The following NTRK3 variants were observed in gnomAD, a reference collection of about 807,000 sequenced individuals.
The protein encoded by NTRK3 is NT-3 growth factor receptor.
NTRK3 carries 24 observed loss-of-function variants against 91.7 expected under a neutral mutation model. The ratio of observed to expected loss-of-function variants is 0.26; its 90% CI spans 0.19 to 0.37. NTRK3 has a LOEUF of 0.37. Ranked by LOEUF, NTRK3 falls within the 10% of genes least tolerant of loss-of-function variation. NTRK3 has a pLI of 1.00. For synonymous variants in NTRK3, 483 were observed against 404.0 expected (o/e 1.20, Z -2.34); for missense variants, 880 against 1,068.9 (o/e 0.82, Z 2.46).
At chr15:87,915,438 C>T (rs1319218491) in intron 17 of NTRK3, among the ~76,000 whole-genome samples, 1 of 152,220 alleles carries the variant, frequency 6.6e-6, no homozygotes, top group East Asian at 1.9e-4. Context: ...TCCACAGTTA[C>T]AAAAATTAGC....
At chr15:87,985,874 G>C (rs992942262) in intron 14 of NTRK3, among the ~76,000 whole-genome samples, 1 of 152,148 alleles carries the variant, frequency 6.6e-6, no homozygotes, top group African/African-American at 2.4e-5. Context: ...CAAAAAAAGG[G>C]GGGAGGTGTG....
chr15:88,139,464 T>A (rs896372240), intron 6 of NTRK3, among the ~76,000 whole-genome samples: 1 of 152,128 alleles, frequency 6.6e-6, no homozygotes, highest in Non-Finnish European at 1.5e-5. Context: ...TCAAAATTAA[T>A]CAGCTTTCAG....
intron 17 of NTRK3, among the ~76,000 whole-genome samples, chr15:87,889,380 G>A (rs143691522): frequency 2.1e-5 from 3 of 141,484 alleles, no homozygotes; most frequent in Non-Finnish European, 4.6e-5. Flanking sequence ...AACCATGCTC[G>A]TTAGTTTATT....
intron 14 of NTRK3, among the ~76,000 whole-genome samples, chr15:88,007,248 G>C (rs1367823085): frequency 2.6e-5 from 4 of 152,228 alleles, no homozygotes; most frequent in Non-Finnish European, 5.9e-5. Context: ...AAGGCTTAAA[G>C]AACTGAAGTG....
intron 13 of NTRK3, chr15:88,099,222 T>G (rs976709802): frequency 4.4e-6 from 1 of 229,146 alleles, no homozygotes; most frequent in African/African-American, 2.2e-5. Context: ...GGCAGCAACT[T>G]GGAAGGAATT....
At chr15:88,080,028 T>A (rs1417880226) in intron 13 of NTRK3, among the ~76,000 whole-genome samples, 1 of 152,250 alleles carries the variant, frequency 6.6e-6, no homozygotes, top group Admixed American at 6.5e-5. Context: ...TCTTTACATA[T>A]TGTTCTACAA....
chr15:87,959,548 A>G (rs1043365747), intron 14 of NTRK3, among the ~76,000 whole-genome samples: 9 of 152,248 alleles, frequency 5.9e-5, no homozygotes, highest in African/African-American at 1.9e-4. Context: ...CTCTGAGTTC[A>G]TATCGAGCTT....
intron 14 of NTRK3, among the ~76,000 whole-genome samples, chr15:87,973,743 C>T (rs1276915816): frequency 6.6e-6 from 1 of 152,122 alleles, no homozygotes; most frequent in Non-Finnish European, 1.5e-5. Flanking sequence ...TGTTCTCCAC[C>T]TTCCTCCCGT....
At chr15:87,945,729 C>T (rs1240648317) in intron 14 of NTRK3, among the ~76,000 whole-genome samples, 1 of 149,638 alleles carries the variant, frequency 6.7e-6, no homozygotes, top group Non-Finnish European at 1.5e-5. Flanking sequence ...ATAAACTGCT[C>T]AGCCCTGCGA....
chr15:88,124,905 T>C (rs982860346), intron 13 of NTRK3, among the ~76,000 whole-genome samples: 1 of 152,222 alleles, frequency 6.6e-6, no homozygotes, highest in Admixed American at 6.5e-5. Flanking sequence ...TTGCTGTGAG[T>C]TGATCAGGTT....
At chr15:87,941,431 A>G (rs1429624034) in intron 14 of NTRK3, among the ~76,000 whole-genome samples, 1 of 152,036 alleles carries the variant, frequency 6.6e-6, no homozygotes, top group African/African-American at 2.4e-5. Flanking sequence ...CAAAGTAAAG[A>G]CGTAGAAGAC....
At chr15:88,078,046 G>GC (rs2047709242) in intron 13 of NTRK3, among the ~76,000 whole-genome samples, 1 of 152,210 alleles carries the variant, frequency 6.6e-6, no homozygotes, top group Non-Finnish European at 1.5e-5. Flanking sequence ...GCAACCCCCT[G>GC]CCCAGGGGCC....
At chr15:88,209,411 A>T (rs2049054696) in intron 3 of NTRK3, among the ~76,000 whole-genome samples, 2 of 152,248 alleles carry the variant, frequency 1.3e-5, no homozygotes, top group South Asian at 2.1e-4. Flanking sequence ...TTGGAAGACC[A>T]CATGGGAGTG....
At chr15:87,990,461 C>G (rs1230038161) in intron 14 of NTRK3, among the ~76,000 whole-genome samples, 1 of 152,128 alleles carries the variant, frequency 6.6e-6, no homozygotes, top group Non-Finnish European at 1.5e-5. Context: ...TGTACCATTT[C>G]TTGTTCACAG....
In NTRK3 at chr15:88,143,306, G is replaced by T. The variant is rs79480698; in HGVS notation, c.464+4029C>A. 9.1e-4 allele frequency among the ~76,000 whole-genome samples: 139 copies of T among 152,330 alleles called. No individual in the cohort carries two copies. In the East Asian group the frequency reaches 0.025, roughly 27 times the overall value. ...ATGGCAGGCACGTGAGATGGAGTCAGAGGTTGAAGTGATGCTGCCACAAGC... is the reference window on the plus strand; with the variant it reads ...ATGGCAGGCACGTGAGATGGAGTCATAGGTTGAAGTGATGCTGCCACAAGC... On this transcript the variant is annotated intron_variant, in intron 6 of 18. Transcript: ENST00000394480.
At chr15:88,016,268 G>T (rs902504859) in intron 14 of NTRK3, among the ~76,000 whole-genome samples, 8 of 152,160 alleles carry the variant, frequency 5.3e-5, no homozygotes, top group Non-Finnish European at 1.2e-4. Context: ...CCAGAGCTGT[G>T]ACCACCATCA....
chr15:88,122,226 G>A (rs1027064192), intron 13 of NTRK3, among the ~76,000 whole-genome samples: 3 of 152,208 alleles, frequency 2.0e-5, no homozygotes, highest in Non-Finnish European at 1.5e-5. Flanking sequence ...AGAGACATAT[G>A]CATATATGTG....
chr15:87,999,284 C>T (rs1006446056), intron 14 of NTRK3, among the ~76,000 whole-genome samples: 29 of 152,208 alleles, frequency 1.9e-4, no homozygotes, highest in African/African-American at 5.5e-4. Context: ...TGAATGACAG[C>T]CTGTAACCTT....
At chr15:88,037,352 A>C (rs2079162531) in intron 13 of NTRK3, among the ~76,000 whole-genome samples, 1 of 152,210 alleles carries the variant, frequency 6.6e-6, no homozygotes, top group African/African-American at 2.4e-5. Flanking sequence ...ATGTGAGGTC[A>C]GGCATTCGAG....
Sources: allele counts gnomAD v4.1 joint callset (sites outside exome capture counted in the v4.1 genomes callset), GRCh38; gene constraint gnomAD v4.1.1; transcripts MANE v1.5; gene names NCBI Gene and HGNC (gene_info 2026-07-23, HGNC 2026-07-21).